STK10: variants seen among roughly 807,000 people sequenced by gnomAD.
The protein encoded by STK10 is serine/threonine kinase 10.
A neutral mutation model predicts 113.8 loss-of-function variants in STK10; 78 were observed. The ratio of observed to expected loss-of-function variants is 0.69; its 90% CI spans 0.57 to 0.83. STK10 has a LOEUF of 0.83. STK10 is among the 40% of genes least tolerant of loss of function. The probability of loss-of-function intolerance (pLI) is 0.00; values close to 1 mark genes in which losing one functional copy is unlikely to be tolerated. For missense variants in STK10, 1,109 were observed against 1,280.1 expected, an observed-to-expected ratio of 0.87 and a Z score of 2.04; for synonymous variants, 465 against 494.7, an observed-to-expected ratio of 0.94 and a Z score of 0.80.
At chr5:172,164,552 G>A (rs1491002955) in intron 1 of STK10, among the ~76,000 whole-genome samples, 5 of 152,192 alleles carry the variant, frequency 3.3e-5, no homozygotes, top group Admixed American at 6.6e-5. Flanking sequence ...ATTGAATTCC[G>A]GCCAATGTGG....
chr5:172,116,675 C>A (rs928146058), intron 4 of STK10, among the ~76,000 whole-genome samples: 4 of 149,142 alleles, frequency 2.7e-5, no homozygotes. Flanking sequence ...CGAGACCAGC[C>A]TGGCCAACAT....
intron 2 of STK10, among the ~76,000 whole-genome samples, chr5:172,139,836 G>A (rs1769937033): frequency 6.6e-6 from 1 of 150,554 alleles, no homozygotes; most frequent in African/African-American, 2.4e-5. Flanking sequence ...AGAAATCATA[G>A]GGGAAAAGCT....
At chr5:172,052,190 G>A (rs534933378) in intron 18 of STK10, among the ~76,000 whole-genome samples, 2 of 152,316 alleles carry the variant, frequency 1.3e-5, no homozygotes, top group South Asian at 4.1e-4. Flanking sequence ...AAAGCACGAG[G>A]AGGTCTGAAT....
chr5:172,140,814 C>T (rs1315389008), intron 2 of STK10, among the ~76,000 whole-genome samples: 1 of 152,068 alleles, frequency 6.6e-6, no homozygotes, highest in African/African-American at 2.4e-5. Context: ...ATACCTGCAC[C>T]CCCATGTTCA....
chr5:172,111,848 G>T (rs1304892314), intron 4 of STK10, among the ~76,000 whole-genome samples: 6 of 152,172 alleles, frequency 3.9e-5, no homozygotes, highest in Admixed American at 3.9e-4. Context: ...TAAATAAAGA[G>T]ACAGAATTTG....
rs528964697 is a variant in STK10 at position 172,165,628 on chromosome 5, T to G, written c.157-8840A>C. ...GATTCATAGCGGGTTGACCTCACCCTGGGCCGGGGCATACCCCAGGCCCAG... is the reference window on the plus strand; with the variant it reads ...GATTCATAGCGGGTTGACCTCACCCGGGGCCGGGGCATACCCCAGGCCCAG... On this transcript the variant is annotated intron_variant, in intron 1 of 18. Coordinates refer to ENST00000176763, the MANE Select transcript of STK10 (RefSeq NM_005990.4). Among the ~76,000 whole-genome samples the G allele has an allele frequency of 5.8e-3, 507 of 87,384 alleles. 2 individuals are homozygous for G. The highest frequency in any genetic ancestry group is 0.031 in the African/African-American group (464 of 15,206). 57.3% of individuals were successfully genotyped at this position (87,384 alleles called of 152,430 possible).
At chr5:172,067,089 C>T (rs1006006416) in intron 12 of STK10, among the ~76,000 whole-genome samples, 2 of 152,176 alleles carry the variant, frequency 1.3e-5, no homozygotes, top group African/African-American at 2.4e-5. Flanking sequence ...CACGGTGGCT[C>T]ACACCTGTAA....
intron 9 of STK10, among the ~76,000 whole-genome samples, 190 bp from the exon 10 acceptor site, chr5:172,090,552 C>T (rs951263611): frequency 2.6e-5 from 4 of 152,164 alleles, no homozygotes; most frequent in African/African-American, 9.7e-5. Context: ...TTCCCTTGCT[C>T]TTCCCTGATC....
intron 2 of STK10, among the ~76,000 whole-genome samples, chr5:172,129,231 T>C (rs1485958876): frequency 6.6e-6 from 1 of 152,172 alleles, no homozygotes; most frequent in Non-Finnish European, 1.5e-5. Flanking sequence ...GGGCCAGGGA[T>C]ACTAGAGATA....
chr5:172,096,471 G>T lies in STK10; in HGVS notation c.960C>A (p.Asp320Glu). ...CCTCCTCTTCCCCCTCATCCCGGCC[G>T]TCTTCGATCTCTTCCATCACCTCGG... ...AKAEVMEEIE[D>E]GRDEGEEEDA... Residue 320 changes from aspartate to glutamate, a missense_variant, in exon 8 of 19, where the codon GAC becomes GAA. Asp to Glu is a conservative substitution (Grantham distance 45, BLOSUM62 2). This residue lies in a region of STK10 where 885 missense variants were observed against 991.1 expected (regional missense o/e 0.89). Transcript: ENST00000176763. 1 of 1,613,562 alleles carries T rather than the reference G, an allele frequency of 6.2e-7. No individual in the cohort carries two copies.
In STK10 at chr5:172,106,286, C is replaced by T. The variant is rs149573997; in HGVS notation, c.788+334G>A. Among the ~76,000 whole-genome samples, 141 of 151,188 alleles carry T rather than the reference C, an allele frequency of 9.3e-4. 2 individuals are homozygous for T. The East Asian group carries it at 0.022, about 24-fold the overall frequency. On this transcript the variant is annotated intron_variant, in intron 6 of 18. Coordinates refer to ENST00000176763, the MANE Select transcript of STK10 (RefSeq NM_005990.4). ...GCATGGTGGTGGGTGCCTGTACTCTCGGCTACAAGGGAGGCTGAGGTGTGA... is the reference window on the plus strand; with the variant it reads ...GCATGGTGGTGGGTGCCTGTACTCTTGGCTACAAGGGAGGCTGAGGTGTGA...
At chr5:172,110,538 G>A (rs1414673645) in intron 4 of STK10, among the ~76,000 whole-genome samples, 1 of 152,154 alleles carries the variant, frequency 6.6e-6, no homozygotes, top group African/African-American at 2.4e-5. Context: ...AGCTACTTTA[G>A]ACACAAACTC....
Position 172,082,209 on chromosome 5 carries a change from C to T in STK10, c.1989+117G>A. ...ACACAGATCCAGGCTCACCTGCTCC[C>T]GAGCTCTTCAGCCGTACCCCTCTGC... is the stretch of plus-strand genomic sequence containing the variant. On this transcript the variant is annotated intron_variant, in intron 12 of 18. Coordinates refer to ENST00000176763, the MANE Select transcript of STK10 (RefSeq NM_005990.4). The surrounding 1 kb of genome is among the most constrained non-coding windows in gnomAD (Gnocchi z 4.3). 4.2e-6 allele frequency: 5 copies of T among 1,201,754 alleles called. No homozygotes were observed. The highest frequency in any genetic ancestry group is 3.0e-5 in the Admixed American group (1 of 33,514). The allele number at this position is 1,201,754 out of a possible 1,614,324, so 74.4% of individuals were successfully genotyped here. A position where few individuals can be genotyped will look rare whatever the true frequency, so the allele number is the denominator to read the frequency against.
intron 2 of STK10, among the ~76,000 whole-genome samples, chr5:172,144,082 C>G (rs1770032513): frequency 1.3e-5 from 2 of 152,236 alleles, no homozygotes; most frequent in African/African-American, 4.8e-5. Context: ...GATAAGCATT[C>G]CTTCACTTAA....
chr5:172,186,527 C>T (rs1473641811), intron 1 of STK10, among the ~76,000 whole-genome samples: 2 of 151,736 alleles, frequency 1.3e-5, no homozygotes, highest in East Asian at 3.9e-4. Context: ...AAGGCTGAGG[C>T]AGGAGAATTG....
chr5:172,149,722 G>A (rs549887777), intron 2 of STK10, among the ~76,000 whole-genome samples: 3 of 152,130 alleles, frequency 2.0e-5, no homozygotes, highest in Non-Finnish European at 4.4e-5. Context: ...GAGATACAAG[G>A]GCCAGGATAA....
intron 17 of STK10, 137 bp downstream of exon 17, chr5:172,054,432 G>A: frequency 7.6e-7 from 1 of 1,314,396 alleles, no homozygotes; most frequent in Non-Finnish European, 1.0e-6. Context: ...CAGCATGGCA[G>A]GGCTGGAAAC....
intron 17 of STK10, 146 bp from the exon 18 acceptor site, chr5:172,053,188 C>G: frequency 1.5e-6 from 1 of 646,254 alleles, no homozygotes. Flanking sequence ...TATTCAAACT[C>G]TATACGTAAA....
intron 4 of STK10, among the ~76,000 whole-genome samples, chr5:172,109,064 C>T (rs1041078729): frequency 5.9e-5 from 9 of 152,080 alleles, no homozygotes; most frequent in African/African-American, 1.9e-4. Context: ...GGATTATAGG[C>T]GTGAGCCACT....
Sources: gnomAD v4.1 joint callset for allele counts (sites outside exome capture counted in the v4.1 genomes callset) on GRCh38, gnomAD v4.1.1 for gene constraint, gnomAD v4.1.1 regional missense constraint, Gnocchi (gnomAD v3.1) non-coding constraint, MANE v1.5 for transcripts, NCBI Gene and HGNC (gene_info 2026-07-23, HGNC 2026-07-21) for gene names.